The following ASIC2 variants were observed in gnomAD, a reference collection of about 807,000 sequenced individuals.
ASIC2 encodes acid-sensing ion channel 2.
Under a neutral mutation model 57.3 loss-of-function variants are expected in ASIC2, and 25 were observed. That is an observed-to-expected ratio of 0.44 (90% CI 0.32 to 0.61). The LOEUF (loss-of-function observed/expected upper bound fraction) is 0.61. ASIC2 is among the 20% of genes least tolerant of loss of function. The probability of loss-of-function intolerance (pLI) is 0.06; values close to 1 mark genes in which losing one functional copy is unlikely to be tolerated. For missense variants in ASIC2, 641 were observed against 738.1 expected, an observed-to-expected ratio of 0.87 and a Z score of 1.52; for synonymous variants, 319 against 307.5, an observed-to-expected ratio of 1.04 and a Z score of -0.39.
At chr17:33,044,366 T>C (rs757077) in intron 3 of ASIC2, among the ~76,000 whole-genome samples, 136,255 of 152,004 alleles carry the variant, frequency 0.9, 61,073 homozygotes, top group East Asian at 0.95. Context: ...GTCCAATAAA[T>C]ATTTTTTATT....
intron 1 of ASIC2, among the ~76,000 whole-genome samples, chr17:33,728,750 A>G (rs970089681): frequency 6.6e-6 from 1 of 152,168 alleles, no homozygotes; most frequent in Non-Finnish European, 1.5e-5. Context: ...ATGAGTTGTC[A>G]GAGTAGATTG....
At chr17:33,935,740 T>C (rs916796719) in intron 1 of ASIC2, 2 of 152,240 alleles carry the variant, frequency 1.3e-5, no homozygotes, top group African/African-American at 4.8e-5. Flanking sequence ...TTTGAAGCCA[T>C]GTCCATCTGA....
At chr17:33,107,892 G>T (rs112435808) in intron 2 of ASIC2, among the ~76,000 whole-genome samples, 2,828 of 152,300 alleles carry the variant, frequency 0.019, 91 homozygotes, top group African/African-American at 0.064. Context: ...GTGTTCCAGA[G>T]GCTCTGCTTT....
intron 1 of ASIC2, chr17:33,534,376 G>C (rs752480594): frequency 3.9e-5 from 6 of 152,158 alleles, no homozygotes; most frequent in African/African-American, 1.4e-4. Context: ...ACTTCTTGCC[G>C]ATGAGAACCC....
intron 1 of ASIC2, among the ~76,000 whole-genome samples, chr17:33,412,162 C>T (rs780989944): frequency 6.6e-6 from 1 of 152,204 alleles, no homozygotes; most frequent in Non-Finnish European, 1.5e-5. Flanking sequence ...CAGTTTTCAT[C>T]GCTCCTTGAT....
chr17:33,850,146 T>C (rs1033466170), intron 1 of ASIC2, among the ~76,000 whole-genome samples: 9 of 152,176 alleles, frequency 5.9e-5, no homozygotes, highest in African/African-American at 2.2e-4. Flanking sequence ...AATCAGGGCT[T>C]ATGGCCCACT....
At chr17:33,831,354 G>T (rs1435456708) in intron 1 of ASIC2, among the ~76,000 whole-genome samples, 1 of 151,864 alleles carries the variant, frequency 6.6e-6, no homozygotes, top group Admixed American at 6.6e-5. Flanking sequence ...ATCCCTCCCG[G>T]ATCTCTTGTG....
chr17:33,301,570 G>T (rs998810270), intron 1 of ASIC2, among the ~76,000 whole-genome samples: 4 of 152,106 alleles, frequency 2.6e-5, no homozygotes, highest in African/African-American at 9.7e-5. Flanking sequence ...ATGGATGTTG[G>T]GCACTGTCTT....
At chr17:33,096,907 G>A (rs1316573508) in intron 2 of ASIC2, among the ~76,000 whole-genome samples, 1 of 152,172 alleles carries the variant, frequency 6.6e-6, no homozygotes, top group African/African-American at 2.4e-5. Flanking sequence ...CAGAGTGGCA[G>A]GGACAAGGCC....
intron 6 of ASIC2, among the ~76,000 whole-genome samples, chr17:33,021,917 T>A (rs1366044770): frequency 6.6e-6 from 1 of 152,194 alleles, no homozygotes; most frequent in African/African-American, 2.4e-5. Context: ...GTGAGACACA[T>A]CTCGGCAGTA....
chr17:33,770,052 C>T (rs1261693324), intron 1 of ASIC2, among the ~76,000 whole-genome samples: 1 of 152,126 alleles, frequency 6.6e-6, no homozygotes, highest in Non-Finnish European at 1.5e-5. Flanking sequence ...AGACAGGAGG[C>T]CCTAGGTAGG....
At chr17:33,199,248 G>T (rs1906758951) in intron 1 of ASIC2, among the ~76,000 whole-genome samples, 1 of 152,198 alleles carries the variant, frequency 6.6e-6, no homozygotes, top group African/African-American at 2.4e-5. Context: ...AATGAGCATT[G>T]ATTTGAAAGG....
chr17:33,757,113 A>G (rs184151870), intron 1 of ASIC2, among the ~76,000 whole-genome samples: 4 of 152,300 alleles, frequency 2.6e-5, no homozygotes, highest in African/African-American at 9.6e-5. Flanking sequence ...GAGAACGCCC[A>G]GGGAGTTTCC....
chr17:33,116,537 G>C (rs1410956086), intron 1 of ASIC2, among the ~76,000 whole-genome samples: 1 of 152,144 alleles, frequency 6.6e-6, no homozygotes, highest in Non-Finnish European at 1.5e-5. Context: ...GCATTTGCCG[G>C]GTTGCTGAGA....
chr17:33,264,568 C>T (rs961238955), intron 1 of ASIC2, among the ~76,000 whole-genome samples: 5 of 152,218 alleles, frequency 3.3e-5, no homozygotes, highest in African/African-American at 1.2e-4. Context: ...GCATCTCTCA[C>T]AATGTAAAGT....
At chr17:33,372,684 T>G (rs7224996) in intron 1 of ASIC2, among the ~76,000 whole-genome samples, 89,902 of 151,936 alleles carry the variant, frequency 0.59, 26,923 homozygotes, top group East Asian at 0.79. Context: ...CCCAGCCACA[T>G]TCCCACCCCA....
intron 1 of ASIC2, among the ~76,000 whole-genome samples, chr17:33,844,988 C>A (rs1159344669): frequency 6.6e-6 from 1 of 152,226 alleles, no homozygotes; most frequent in Non-Finnish European, 1.5e-5. Context: ...TACAGTGAGG[C>A]CATGATTCAG....
chr17:33,971,314 T>C (rs976042523), intron 1 of ASIC2, among the ~76,000 whole-genome samples: 5 of 152,144 alleles, frequency 3.3e-5, no homozygotes, highest in African/African-American at 1.2e-4. Flanking sequence ...GAGAAACCTC[T>C]GTTCTCTGGC....
chr17:34,036,961 A>G (rs950515183), intron 1 of ASIC2: 8 of 152,628 alleles, frequency 5.2e-5, no homozygotes, highest in African/African-American at 1.9e-4. Context: ...TCTGATTGGA[A>G]TGAACATTGC....
Sources: gnomAD v4.1 joint callset for allele counts (sites outside exome capture counted in the v4.1 genomes callset) on GRCh38, gnomAD v4.1.1 for gene constraint, MANE v1.5 for transcripts, NCBI Gene and HGNC (gene_info 2026-07-23, HGNC 2026-07-21) for gene names.